NUP210L: variants seen among roughly 807,000 people sequenced by gnomAD.
NUP210L encodes the protein nucleoporin 210 like, also known as nuclear pore membrane glycoprotein 210-like.
A neutral mutation model predicts 208.5 loss-of-function variants in NUP210L; 74 were observed. The observed-to-expected ratio is 0.35, with a 90% CI of 0.29 to 0.43. The LOEUF is 0.43. Among genes scored for constraint, NUP210L ranks in the 20% least tolerant of loss-of-function variants. The pLI is 1.00. For synonymous variants in NUP210L, 780 were observed against 816.9 expected, an observed-to-expected ratio of 0.95 and a Z score of 0.77; for missense variants, 1,843 against 2,289.4, an observed-to-expected ratio of 0.81 and a Z score of 3.98.
chr1:154,010,870 CAAAT>C (rs151119528), intron 34 of NUP210L, among the ~76,000 whole-genome samples: 36 of 151,460 alleles, frequency 2.4e-4, no homozygotes, highest in East Asian at 7.8e-4. Context: ...AACTCCGTCT[CAAAT>C]AAATAAATAA....
chr1:154,076,747 T>C (rs1003893973), intron 16 of NUP210L, among the ~76,000 whole-genome samples: 1 of 152,008 alleles, frequency 6.6e-6, no homozygotes, highest in East Asian at 1.9e-4. Flanking sequence ...CGTACCAGTA[T>C]ATGCAAAAAC....
At chr1:154,147,290 T>C (rs940337305) in intron 2 of NUP210L, among the ~76,000 whole-genome samples, 1 of 152,090 alleles carries the variant, frequency 6.6e-6, no homozygotes, top group African/African-American at 2.4e-5. Context: ...AACCCCAGGC[T>C]AATCATGAGA....
intron 22 of NUP210L, among the ~76,000 whole-genome samples, chr1:154,057,690 A>ATGTGTGTG (rs4060104): frequency 0.018 from 2,237 of 125,414 alleles, 56 homozygotes; most frequent in East Asian, 0.077. Context: ...AGGACCTCGA[A>ATGTGTGTG]TGTGTGTGTG....
intron 35 of NUP210L, among the ~76,000 whole-genome samples, chr1:154,006,350 A>G (rs1650524303): frequency 1.3e-5 from 2 of 152,006 alleles, no homozygotes; most frequent in Admixed American, 6.6e-5. Flanking sequence ...CTAGGGCCCT[A>G]TATTGCCTGG....
exon 40 of NUP210L, chr1:153,992,838 G>A (rs763087641): frequency 1.2e-6 from 2 of 1,600,142 alleles, no homozygotes; most frequent in Admixed American, 1.7e-5. Context: ...GCAGAGGTTA[G>A]TGCCTTATAC....
exon 37 of NUP210L, chr1:154,000,989 A>T: frequency 1.2e-6 from 2 of 1,614,190 alleles, no homozygotes; most frequent in African/African-American, 2.7e-5. Flanking sequence ...TTACAGAGTA[A>T]ATGGCCAGGC....
At chr1:154,028,940 C>CA (rs1431404659) in intron 28 of NUP210L, among the ~76,000 whole-genome samples, 1 of 151,418 alleles carries the variant, frequency 6.6e-6, no homozygotes, top group Admixed American at 6.6e-5. Flanking sequence ...ACTAAAAATA[C>CA]AAAAATTAGC....
chr1:154,074,488 ATT>A (rs113689298), intron 16 of NUP210L, among the ~76,000 whole-genome samples: 55 of 125,746 alleles, frequency 4.4e-4, no homozygotes, highest in Middle Eastern at 4.1e-3. Flanking sequence ...TGGGATCACG[ATT>A]TTTTTTTTTT....
chr1:154,007,054 T>C (rs187329730), intron 35 of NUP210L, among the ~76,000 whole-genome samples: 5 of 140,152 alleles, frequency 3.6e-5, no homozygotes, highest in East Asian at 2.2e-4. Context: ...ACCTCCTCCT[T>C]CTATTTCAAT....
chr1:154,012,306 G>T (rs929722255), exon 34 of NUP210L: 1 of 1,612,656 alleles, frequency 6.2e-7, no homozygotes, highest in Non-Finnish European at 8.5e-7. Flanking sequence ...TGAATTGAGG[G>T]TATTGGTGAG....
intron 35 of NUP210L, among the ~76,000 whole-genome samples, chr1:154,009,639 A>G (rs1480210379): frequency 1.3e-5 from 2 of 150,064 alleles, no homozygotes; most frequent in African/African-American, 2.4e-5. Flanking sequence ...AAAAAAAAAA[A>G]AAAAAAAAAA....
chr1:154,085,776 A>T (rs1328041858), intron 16 of NUP210L, among the ~76,000 whole-genome samples: 2 of 152,250 alleles, frequency 1.3e-5, no homozygotes, highest in Non-Finnish European at 2.9e-5. Context: ...AGATGTATAG[A>T]TTAATAGATT....
rs1652513462 is a variant in NUP210L at position 154,035,908 on chromosome 1, T to A, written c.3697-5854A>T. Among the ~76,000 whole-genome samples, 3 of 151,868 alleles carry A rather than the reference T, an allele frequency of 2.0e-5. No homozygotes were observed. In the South Asian group the frequency reaches 6.2e-4, roughly 32 times the overall value. The stretch of plus-strand genomic sequence containing the variant: ...GCCACCGCGCCTGGCTAATTTTTTG[T>A]ATTTTTAGTAGAGACAGGGTTTCAC... On this transcript the variant is annotated intron_variant, in intron 27 of 39. Transcript: ENST00000368559.
At chr1:154,089,982 C>A (rs1419811678) in intron 15 of NUP210L, among the ~76,000 whole-genome samples, 1 of 151,978 alleles carries the variant, frequency 6.6e-6, no homozygotes, top group Non-Finnish European at 1.5e-5. Context: ...GAGACTGAAG[C>A]AGGAGGATCG....
intron 8 of NUP210L, among the ~76,000 whole-genome samples, chr1:154,128,975 T>C (rs1658117343): frequency 6.6e-6 from 1 of 152,250 alleles, no homozygotes; most frequent in African/African-American, 2.4e-5. Context: ...TTCAGTCAGA[T>C]TCATTGTTTT....
At chr1:154,048,449 A>T (rs1488329659) in intron 25 of NUP210L, among the ~76,000 whole-genome samples, 1 of 152,222 alleles carries the variant, frequency 6.6e-6, no homozygotes, top group African/African-American at 2.4e-5. Flanking sequence ...TAAACAGGCC[A>T]TTAATCAGTA....
At position 154,001,067 on chromosome 1, in the gene NUP210L, G is replaced by A; in HGVS notation, c.5182-7C>T. On this transcript the variant is annotated splice_region_variant and splice_polypyrimidine_tract_variant and intron_variant, in intron 36 of 39. Transcript: ENST00000368559. ...CTGGGGAGCTGGAGATGACCTTGGA[G>A]AAAAGATAAAACCTTTTATTTAAAA... is the stretch of plus-strand genomic sequence containing the variant. 6.2e-7 allele frequency: 1 copy of A among 1,611,746 alleles called. No homozygotes were observed. The highest frequency in any genetic ancestry group is 8.5e-7 in the Non-Finnish European group (1 of 1,178,810).
chr1:154,018,515 T>G (rs1651389484), intron 33 of NUP210L, among the ~76,000 whole-genome samples: 1 of 152,166 alleles, frequency 6.6e-6, no homozygotes, highest in African/African-American at 2.4e-5. Context: ...CCTGAATCAT[T>G]CTGGATTTTC....
At chr1:154,021,403 C>T (rs1337760339) in intron 32 of NUP210L, among the ~76,000 whole-genome samples, 1 of 151,890 alleles carries the variant, frequency 6.6e-6, no homozygotes, top group Admixed American at 6.6e-5. Flanking sequence ...AGGAGACTCG[C>T]TTGAACCCAG....
Sources: allele counts gnomAD v4.1 joint callset (sites outside exome capture counted in the v4.1 genomes callset), GRCh38; gene constraint gnomAD v4.1.1; transcripts MANE v1.5; gene names NCBI Gene and HGNC (gene_info 2026-07-23, HGNC 2026-07-21).